Variants in BMPER observed in about 807,000 individuals in gnomAD.
BMPER encodes the protein BMP binding endothelial regulator, also known as BMP-binding endothelial regulator protein.
In BMPER, 45 loss-of-function variants were observed where a neutral mutation model predicts 87.3. The ratio of observed to expected loss-of-function variants is 0.52; its 90% CI spans 0.41 to 0.66. The LOEUF is 0.66. Among genes scored for constraint, BMPER ranks in the 30% least tolerant of loss-of-function variants. The pLI is 0.00. For synonymous variants in BMPER, 326 were observed against 316.2 expected, an observed-to-expected ratio of 1.03 and a Z score of -0.33; for missense variants, 784 against 867.5, an observed-to-expected ratio of 0.90 and a Z score of 1.21.
intron 13 of BMPER, among the ~76,000 whole-genome samples, chr7:34,129,167 T>C (rs553052878): frequency 6.6e-6 from 1 of 152,266 alleles, no homozygotes; most frequent in East Asian, 1.9e-4. Context: ...GGAAAAATGT[T>C]CTATCACTAT....
intron 6 of BMPER, among the ~76,000 whole-genome samples, chr7:34,036,701 T>C (rs557019579): frequency 6.6e-6 from 1 of 152,176 alleles, no homozygotes; most frequent in Non-Finnish European, 1.5e-5. Context: ...GCCTATAGGG[T>C]GGGCTTATCT....
chr7:33,920,125 G>A (rs1327273318), intron 2 of BMPER, among the ~76,000 whole-genome samples: 1 of 152,186 alleles, frequency 6.6e-6, no homozygotes, highest in Non-Finnish European at 1.5e-5. Context: ...ACACAATTCT[G>A]TTGCCCGATC....
Sources: gnomAD v4.1 joint callset for allele counts (sites outside exome capture counted in the v4.1 genomes callset) on GRCh38, gnomAD v4.1.1 for gene constraint, MANE v1.5 for transcripts, NCBI Gene and HGNC (gene_info 2026-07-23, HGNC 2026-07-21) for gene names.